Variants in HAO1 observed in about 807,000 individuals in gnomAD.
HAO1 encodes 2-Hydroxyacid oxidase 1.
A neutral mutation model predicts 39.7 loss-of-function variants in HAO1; 34 were observed. The ratio of observed to expected loss-of-function variants is 0.86; its 90% CI spans 0.65 to 1.14. HAO1 has a LOEUF of 1.14. Among genes scored for constraint, HAO1 ranks in the 50% most tolerant of loss-of-function variants. HAO1 has a pLI of 0.00. For synonymous variants in HAO1, 172 were observed against 173.2 expected, an observed-to-expected ratio of 0.99 and a Z score of 0.05; for missense variants, 479 against 464.5, an observed-to-expected ratio of 1.03 and a Z score of -0.29.
chr20:7,915,158 C>T (rs1161732632), intron 2 of HAO1, among the ~76,000 whole-genome samples: 2 of 152,062 alleles, frequency 1.3e-5, no homozygotes, highest in African/African-American at 2.4e-5. Context: ...CAATTTTCTG[C>T]ATCAATATGC....
rs142328481 is a variant in HAO1, at chr20:7,898,660, C to T, written c.722-3436G>A. On this transcript the variant is annotated intron_variant, in intron 4 of 7. Transcript: ENST00000378789. Reference sequence around the variant, plus strand: ...TGTGCACTTCCATCATACAGTACCACTAGTCATGTAGCCACTGACCAACTG... The same window carrying T: ...TGTGCACTTCCATCATACAGTACCATTAGTCATGTAGCCACTGACCAACTG... Among the ~76,000 whole-genome samples the T allele has an allele frequency of 8.8e-3, 1,343 of 152,294 alleles. 14 individuals carry two copies. Among genetic ancestry groups the T allele is most frequent in the Middle Eastern group, 0.034 (10 of 294 alleles).
intron 1 of HAO1, among the ~76,000 whole-genome samples, chr20:7,936,031 G>A (rs1600123602): frequency 6.6e-6 from 1 of 152,230 alleles, no homozygotes; most frequent in East Asian, 1.9e-4. Flanking sequence ...AAAAGAAAAA[G>A]CCCTTAATCG....
chr20:7,885,883 A>G lies in HAO1; in HGVS notation c.814-19T>C. 1 of 1,605,952 alleles carries G rather than the reference A, an allele frequency of 6.2e-7. No homozygotes were observed. On this transcript the variant is annotated intron_variant, in intron 5 of 7. Coordinates refer to ENST00000378789, the MANE Select transcript of HAO1 (RefSeq NM_017545.3). ...CATCAATCTGGGGAAAGAAAAGTTCAATAATGTGACTCTATTAACACTGAA... is the reference window on the plus strand; with the variant it reads ...CATCAATCTGGGGAAAGAAAAGTTCGATAATGTGACTCTATTAACACTGAA...
chr20:7,929,728 G>A (rs541045196), intron 2 of HAO1, among the ~76,000 whole-genome samples: 53 of 152,062 alleles, frequency 3.5e-4, no homozygotes, highest in Non-Finnish European at 6.5e-4. Context: ...GCCAGCCGTC[G>A]CGGTGCGTGC....
At chr20:7,897,685 T>C (rs745485431) in intron 4 of HAO1, among the ~76,000 whole-genome samples, 3 of 152,130 alleles carry the variant, frequency 2.0e-5, no homozygotes, top group Non-Finnish European at 2.9e-5. Flanking sequence ...CCTATTTATA[T>C]GTATATTTTC....
At chr20:7,920,074 A>T (rs2050323875) in intron 2 of HAO1, among the ~76,000 whole-genome samples, 1 of 152,052 alleles carries the variant, frequency 6.6e-6, no homozygotes, top group South Asian at 2.1e-4. Flanking sequence ...AATCCCACGC[A>T]TCAAGGCAGG....
intron 7 of HAO1, among the ~76,000 whole-genome samples, chr20:7,884,372 C>T (rs1478052508): frequency 6.6e-6 from 1 of 151,940 alleles, no homozygotes; most frequent in Non-Finnish European, 1.5e-5. Flanking sequence ...AAAGGAAATT[C>T]TATGATAGCT....
At chr20:7,907,217 A>T (rs573983970) in intron 3 of HAO1, among the ~76,000 whole-genome samples, 12 of 152,140 alleles carry the variant, frequency 7.9e-5, no homozygotes, top group Non-Finnish European at 1.5e-4. Flanking sequence ...CTAATCTTCC[A>T]GACAAGTTTG....
rs542400003 is a variant in HAO1 at position 7,896,838 on chromosome 20, C to T, written c.722-1614G>A. On this transcript the variant is annotated intron_variant, in intron 4 of 7. Transcript: ENST00000378789. ...ACCTTATTCCCCACCTGAAGATAAC[C>T]CCTGGAGCCCTCTGCCTTCCTGTTC... Among the ~76,000 whole-genome samples, 9 of 152,240 alleles carry T rather than the reference C, an allele frequency of 5.9e-5. No homozygotes were observed. The South Asian group carries it at 1.9e-3, about 32-fold the overall frequency.
chr20:7,916,771 C>T (rs1323568335), intron 2 of HAO1, among the ~76,000 whole-genome samples: 1 of 152,194 alleles, frequency 6.6e-6, no homozygotes, highest in Non-Finnish European at 1.5e-5. Flanking sequence ...TGGTTAGCTA[C>T]AGAAGATCTG....
chr20:7,912,774 G>C (rs1274779267), intron 3 of HAO1, among the ~76,000 whole-genome samples: 1 of 152,118 alleles, frequency 6.6e-6, no homozygotes, highest in Non-Finnish European at 1.5e-5. Context: ...AGTTTTATTG[G>C]CCAGTTTGGC....
intron 5 of HAO1, among the ~76,000 whole-genome samples, chr20:7,889,156 A>G (rs903709616): frequency 6.6e-6 from 1 of 151,680 alleles, no homozygotes; most frequent in Non-Finnish European, 1.5e-5. Flanking sequence ...GATACATTAA[A>G]TGTTTCTCAA....
chr20:7,886,685 G>A (rs893681041), intron 5 of HAO1, among the ~76,000 whole-genome samples: 14 of 152,120 alleles, frequency 9.2e-5, no homozygotes, highest in Admixed American at 7.2e-4. Context: ...TAAGGAATAT[G>A]ACCACTTGCA....
chr20:7,920,117 G>A (rs1208688598), intron 2 of HAO1, among the ~76,000 whole-genome samples: 1 of 151,934 alleles, frequency 6.6e-6, no homozygotes, highest in Non-Finnish European at 1.5e-5. Context: ...AGGGAAAGAG[G>A]TGATTGGATC....
chr20:7,914,883 C>T (rs1468378038), intron 2 of HAO1, among the ~76,000 whole-genome samples: 1 of 152,140 alleles, frequency 6.6e-6, no homozygotes, highest in Non-Finnish European at 1.5e-5. Context: ...CTTTGGGAGG[C>T]TGAGGCGGGT....
chr20:7,885,218 A>G (rs1227576271), intron 7 of HAO1, among the ~76,000 whole-genome samples: 2 of 152,296 alleles, frequency 1.3e-5, no homozygotes, highest in East Asian at 3.9e-4. Flanking sequence ...GGAGCTGTTG[A>G]CTATCCAGGT....
chr20:7,891,599 G>A (rs1454751558), intron 5 of HAO1, among the ~76,000 whole-genome samples: 1 of 152,028 alleles, frequency 6.6e-6, no homozygotes, highest in Non-Finnish European at 1.5e-5. Flanking sequence ...TGGATTCTTG[G>A]TCATGAAATC....
At chr20:7,924,197 T>G (rs1055236503) in intron 2 of HAO1, among the ~76,000 whole-genome samples, 11 of 112,874 alleles carry the variant, frequency 9.7e-5, no homozygotes, top group South Asian at 2.4e-4. Context: ...TTGGGTTGTG[T>G]TGTTGTTGTT....
At chr20:7,923,103 G>A (rs2050342412) in intron 2 of HAO1, among the ~76,000 whole-genome samples, 1 of 152,018 alleles carries the variant, frequency 6.6e-6, no homozygotes, top group South Asian at 2.1e-4. Flanking sequence ...ATAGAGGGTT[G>A]GCTAAATTTC....
Sources: gnomAD v4.1 joint callset for allele counts (sites outside exome capture counted in the v4.1 genomes callset) on GRCh38, gnomAD v4.1.1 for gene constraint, MANE v1.5 for transcripts, NCBI Gene and HGNC (gene_info 2026-07-23, HGNC 2026-07-21) for gene names.